AKT3: variants seen among roughly 807,000 people sequenced by gnomAD.
The protein encoded by AKT3 is AKT serine/threonine kinase 3.
Under a neutral mutation model 65.3 loss-of-function variants are expected in AKT3, and 15 were observed. That is an observed-to-expected ratio of 0.23 (90% CI 0.15 to 0.35). The LOEUF is 0.35. AKT3 is among the 10% of genes least tolerant of loss of function. The pLI is 1.00. For synonymous variants in AKT3, 206 were observed against 183.8 expected (o/e 1.12, Z -0.98); for missense variants, 243 against 576.5 (o/e 0.42, Z 5.92).
intron 2 of AKT3, among the ~76,000 whole-genome samples, chr1:243,812,289 T>G (rs1025172873): frequency 1.1e-4 from 17 of 152,276 alleles, no homozygotes; most frequent in African/African-American, 4.1e-4. Flanking sequence ...AAAGGGTTAA[T>G]ATCCAGAATC....
intron 8 of AKT3, among the ~76,000 whole-genome samples, chr1:243,607,853 G>A (rs1299753427): frequency 1.3e-5 from 2 of 152,130 alleles, no homozygotes; most frequent in Admixed American, 1.3e-4. Flanking sequence ...TGTGATTCTT[G>A]TGATTGTCAG....
At chr1:243,806,961 C>T (rs767144308) in intron 2 of AKT3, among the ~76,000 whole-genome samples, 21 of 152,176 alleles carry the variant, frequency 1.4e-4, no homozygotes, top group South Asian at 4.1e-4. Context: ...TAATTCATAA[C>T]GTAAAAACTG....
intron 8 of AKT3, among the ~76,000 whole-genome samples, chr1:243,584,474 A>G (rs1675645793): frequency 6.6e-6 from 1 of 152,160 alleles, no homozygotes; most frequent in Non-Finnish European, 1.5e-5. Flanking sequence ...AAACCTGGCA[A>G]AGACACAATG....
intron 4 of AKT3, among the ~76,000 whole-genome samples, chr1:243,646,247 T>A (rs898089981): frequency 1.3e-5 from 2 of 152,172 alleles, no homozygotes; most frequent in Non-Finnish European, 2.9e-5. Flanking sequence ...TGTAGTAGCA[T>A]TTTTTGGAAG....
At chr1:243,554,511 A>AC (rs1673283025) in intron 10 of AKT3, among the ~76,000 whole-genome samples, 1 of 152,202 alleles carries the variant, frequency 6.6e-6, no homozygotes, top group Non-Finnish European at 1.5e-5. Context: ...ACAAAAAATA[A>AC]CCTAAAAAAG....
intron 2 of AKT3, among the ~76,000 whole-genome samples, chr1:243,790,940 A>T (rs999661454): frequency 9.3e-4 from 141 of 152,306 alleles, no homozygotes; most frequent in African/African-American, 3.3e-3. Flanking sequence ...CAGTAACATC[A>T]AAGATCACTG....
intron 3 of AKT3, among the ~76,000 whole-genome samples, chr1:243,686,652 T>TATATATATATATATATATATATAA (rs373666457): frequency 1.6e-4 from 2 of 12,688 alleles, no homozygotes; most frequent in African/African-American, 6.0e-4. Context: ...TATATATATA[T>TATATATATATATATATATATATAA]TTTTTTTTTT....
At chr1:243,820,648 A>G (rs1347733343) in intron 2 of AKT3, among the ~76,000 whole-genome samples, 1 of 152,220 alleles carries the variant, frequency 6.6e-6, no homozygotes, top group Admixed American at 6.5e-5. Flanking sequence ...AGAACTTCAC[A>G]ATGGAACCAC....
intron 3 of AKT3, among the ~76,000 whole-genome samples, chr1:243,693,712 C>T (rs1043274945): frequency 6.6e-6 from 1 of 152,118 alleles, no homozygotes; most frequent in Non-Finnish European, 1.5e-5. Context: ...CAGCTAGTAT[C>T]CATTTCAGTA....
intron 12 of AKT3, among the ~76,000 whole-genome samples, chr1:243,531,782 A>C (rs1671548482): frequency 6.6e-6 from 1 of 151,992 alleles, no homozygotes; most frequent in Non-Finnish European, 1.5e-5. Context: ...GTCTTCTTTT[A>C]TTTCTTTCAG....
chr1:243,637,142 G>C (rs1680033532), intron 6 of AKT3, among the ~76,000 whole-genome samples: 1 of 152,008 alleles, frequency 6.6e-6, no homozygotes, highest in African/African-American at 2.4e-5. Flanking sequence ...ATGGGGGTGG[G>C]AAGTAAGTCT....
intron 6 of AKT3, among the ~76,000 whole-genome samples, chr1:243,618,599 T>TC (rs949627304): frequency 2.0e-5 from 3 of 152,150 alleles, no homozygotes; most frequent in Non-Finnish European, 4.4e-5. Context: ...TGTATTTTTT[T>TC]CATGGAAAAG....
At chr1:243,825,969 T>C (rs1694141802) in intron 2 of AKT3, among the ~76,000 whole-genome samples, 1 of 151,994 alleles carries the variant, frequency 6.6e-6, no homozygotes, top group Admixed American at 6.6e-5. Flanking sequence ...CCATCTCTAC[T>C]AAAAATACAA....
At chr1:243,850,320 G>GGC (rs1431564172), upstream of AKT3, among the ~76,000 whole-genome samples, 2 of 149,698 alleles carry the variant, frequency 1.3e-5, no homozygotes, top group African/African-American at 4.9e-5. Context: ...CGGCGGCGGC[G>GGC]GGAGGGGGAG....
At chr1:243,842,471 G>C (rs1326234353) in intron 2 of AKT3, among the ~76,000 whole-genome samples, 2 of 151,932 alleles carry the variant, frequency 1.3e-5, no homozygotes, top group Admixed American at 6.6e-5. Flanking sequence ...TACATCGAAG[G>C]GTTCTTCCTT....
intron 8 of AKT3, among the ~76,000 whole-genome samples, chr1:243,582,042 A>G (rs940625085): frequency 4.6e-5 from 7 of 152,046 alleles, no homozygotes; most frequent in Admixed American, 1.3e-4. Context: ...GACAAAAATA[A>G]AGAAAAAATA....
intron 8 of AKT3, among the ~76,000 whole-genome samples, chr1:243,573,990 T>C (rs116764241): frequency 2.9e-4 from 44 of 152,290 alleles, no homozygotes; most frequent in South Asian, 2.3e-3. Context: ...CAATGAAAGA[T>C]TGTTTACAGT....
chr1:243,586,958 A>C (rs192132950), intron 8 of AKT3, among the ~76,000 whole-genome samples: 149 of 152,330 alleles, frequency 9.8e-4, no homozygotes, highest in Middle Eastern at 6.8e-3. Context: ...CAAAGATAGA[A>C]ATAAAATGGA....
intron 13 of AKT3, among the ~76,000 whole-genome samples, chr1:243,508,747 C>T (rs1434098121): frequency 1.3e-5 from 2 of 148,802 alleles, no homozygotes. Flanking sequence ...CTCAGTGCAG[C>T]TTCTGCCTCC....
Sources: allele counts gnomAD v4.1 joint callset (sites outside exome capture counted in the v4.1 genomes callset), GRCh38; gene constraint gnomAD v4.1.1; transcripts MANE v1.5; gene names NCBI Gene and HGNC (gene_info 2026-07-23, HGNC 2026-07-21).